The following MYRIP variants were observed in gnomAD, a reference collection of about 807,000 sequenced individuals.
MYRIP encodes the protein myosin VIIA and Rab interacting protein.
A neutral mutation model predicts 98.0 loss-of-function variants in MYRIP; 49 were observed. That is an observed-to-expected ratio of 0.50 (90% CI 0.40 to 0.63). The LOEUF (loss-of-function observed/expected upper bound fraction) is 0.63. Among genes scored for constraint, MYRIP ranks in the 30% least tolerant of loss-of-function variants. The pLI, the probability that MYRIP is intolerant of heterozygous loss-of-function variation, is 0.00. For synonymous variants in MYRIP, 404 were observed against 409.5 expected (o/e 0.99, Z 0.16); for missense variants, 1,004 against 1,058.2 (o/e 0.95, Z 0.71).
chr3:40,157,086 A>G (rs1339435967), intron 4 of MYRIP, among the ~76,000 whole-genome samples: 10 of 148,466 alleles, frequency 6.7e-5, no homozygotes, highest in South Asian at 2.1e-4. Flanking sequence ...TTTCAAAGGG[A>G]ATGCTTCCAG....
Position 40,221,012 on chromosome 3 carries a change from A to G in MYRIP, c.1905+10919A>G, listed in dbSNP as rs565892892. Reference sequence around the variant, plus strand: ...CAAACCATATCAAACTCCAACAGATATAGGGTAATGTACAAAGCAGGCAAG... The same window carrying G: ...CAAACCATATCAAACTCCAACAGATGTAGGGTAATGTACAAAGCAGGCAAG... On this transcript the variant is annotated intron_variant, in intron 11 of 16. Transcript: ENST00000302541. Among the ~76,000 whole-genome samples the G allele has an allele frequency of 4.2e-5, 6 of 142,232 alleles. No individual in the cohort carries two copies. The South Asian group carries it at 1.2e-3, about 29-fold the overall frequency. The allele number at this position is 142,232 out of a possible 152,430, so 93.3% of individuals were successfully genotyped here.
chr3:40,249,029 C>A lies in MYRIP; in HGVS notation c.2263-1193C>A, dbSNP rs78508247. 6.3e-3 allele frequency among the ~76,000 whole-genome samples: 960 copies of A among 152,294 alleles called. 10 individuals carry two copies. Among genetic ancestry groups the A allele is most frequent in the African/African-American group, 0.022 (923 of 41,572 alleles). On this transcript the variant is annotated intron_variant, in intron 13 of 16. Transcript: ENST00000302541. ...GATGCATCTTCCAAATTTGCTGACC[C>A]TTCAATCTTTCTGTGTACCTCCTAT...
intron 2 of MYRIP, among the ~76,000 whole-genome samples, chr3:39,914,730 GC>G (rs1944112707): frequency 6.6e-6 from 1 of 152,034 alleles, no homozygotes; most frequent in Admixed American, 6.5e-5. Flanking sequence ...TATACTTCCT[GC>G]TACATTTCAG....
At chr3:40,186,444 T>C (rs1040676600) in intron 9 of MYRIP, among the ~76,000 whole-genome samples, 31 of 152,164 alleles carry the variant, frequency 2.0e-4, no homozygotes, top group Admixed American at 1.3e-3. Context: ...AATGACTTGT[T>C]ACTGAGCAGA....
chr3:39,897,788 G>A (rs1354518456), intron 1 of MYRIP, among the ~76,000 whole-genome samples: 1 of 150,610 alleles, frequency 6.6e-6, no homozygotes, highest in Non-Finnish European at 1.5e-5. Flanking sequence ...TCCATTTGGA[G>A]CTATTTTATT....
At chr3:40,008,037 A>T (rs1057070433) in intron 2 of MYRIP, among the ~76,000 whole-genome samples, 1 of 152,246 alleles carries the variant, frequency 6.6e-6, no homozygotes. Context: ...CACACAGATT[A>T]TCTAAAAATG....
intron 3 of MYRIP, among the ~76,000 whole-genome samples, chr3:40,045,709 A>C (rs1044276291): frequency 6.6e-6 from 1 of 152,198 alleles, no homozygotes; most frequent in African/African-American, 2.4e-5. Flanking sequence ...CATTCAAGCC[A>C]AGTTCCTGTA....
At chr3:40,108,245 A>G (rs2125898967) in intron 3 of MYRIP, among the ~76,000 whole-genome samples, 1 of 117,062 alleles carries the variant, frequency 8.5e-6, no homozygotes, top group Middle Eastern at 4.7e-3. Context: ...ACTGAAGTGC[A>G]GGATGTAGGA....
intron 3 of MYRIP, among the ~76,000 whole-genome samples, chr3:40,081,564 T>A (rs1948481018): frequency 6.6e-6 from 1 of 152,204 alleles, no homozygotes; most frequent in Non-Finnish European, 1.5e-5. Context: ...TCCTATGTGG[T>A]TTTTGCCATT....
intron 1 of MYRIP, among the ~76,000 whole-genome samples, chr3:39,818,929 G>T (rs755725116): frequency 7.2e-5 from 11 of 152,094 alleles, no homozygotes; most frequent in Non-Finnish European, 1.0e-4. Flanking sequence ...AAATACATAG[G>T]TATATATTTT....
chr3:40,089,466 T>A (rs7620263), intron 3 of MYRIP, among the ~76,000 whole-genome samples: 2,458 of 152,284 alleles, frequency 0.016, 28 homozygotes, highest in African/African-American at 0.03. Flanking sequence ...ATCTTTAAGC[T>A]TGGCGGCTTT....
chr3:40,055,500 A>T (rs904138230), intron 3 of MYRIP, among the ~76,000 whole-genome samples: 7 of 152,176 alleles, frequency 4.6e-5, no homozygotes, highest in African/African-American at 1.7e-4. Context: ...ACAGTTGAAC[A>T]GCTTGTCATG....
At chr3:40,249,319 A>G (rs10428199) in intron 13 of MYRIP, among the ~76,000 whole-genome samples, 89,030 of 152,014 alleles carry the variant, frequency 0.59, 28,939 homozygotes, top group African/African-American at 0.88. Context: ...CGTCCCCCAT[A>G]CCGGGTGTTG....
intron 3 of MYRIP, among the ~76,000 whole-genome samples, chr3:40,082,555 A>G (rs908296534): frequency 3.9e-5 from 6 of 152,222 alleles, no homozygotes; most frequent in African/African-American, 1.4e-4. Flanking sequence ...AAATCAACAA[A>G]TCATCTCTCT....
intron 1 of MYRIP, among the ~76,000 whole-genome samples, chr3:39,895,651 T>C (rs1943589682): frequency 6.6e-6 from 1 of 152,232 alleles, no homozygotes; most frequent in African/African-American, 2.4e-5. Flanking sequence ...ATGGCAGTTC[T>C]TTCCCAAATC....
At chr3:40,235,161 T>C (rs1265995815) in intron 12 of MYRIP, among the ~76,000 whole-genome samples, 1 of 152,164 alleles carries the variant, frequency 6.6e-6, no homozygotes. Context: ...TGAGTAAGAC[T>C]CTACTGCATT....
At chr3:40,028,905 C>T (rs1947196005) in intron 2 of MYRIP, among the ~76,000 whole-genome samples, 1 of 152,102 alleles carries the variant, frequency 6.6e-6, no homozygotes, top group African/African-American at 2.4e-5. Flanking sequence ...CTGAAAAACA[C>T]CTCATTTGCT....
intron 3 of MYRIP, among the ~76,000 whole-genome samples, chr3:40,092,387 G>C (rs529262285): frequency 3.9e-5 from 6 of 152,266 alleles, no homozygotes; most frequent in African/African-American, 1.2e-4. Flanking sequence ...CACACTGTAA[G>C]GGATAGCTAT....
rs564654381 is a variant in MYRIP at position 40,044,268 on chromosome 3, C to T, written c.329C>T (p.Ala110Val). ...TGGGTCTGCTGCGTCTGCCAGCAAG[C>T]GAGGTGAGTGGCTGGTGCATTCCCA... ...KAWVCCVCQQ[A>V]RLLRAQSLEW... is the part of the protein sequence containing the mutation. The change falls in exon 3 of 17, where the codon GCG becomes GTG. Residue 110 changes from alanine to valine, a missense_variant. This residue lies in a region of MYRIP where 880 missense variants were observed against 907.7 expected (regional missense o/e 0.97). Coordinates refer to ENST00000302541, the MANE Select transcript of MYRIP (RefSeq NM_015460.4). The T allele has an allele frequency of 7.9e-5, 128 of 1,613,996 alleles. No homozygotes were observed. In the South Asian group the frequency reaches 1.1e-3, roughly 14 times the overall value.
Sources: gnomAD v4.1 joint callset for allele counts (sites outside exome capture counted in the v4.1 genomes callset) on GRCh38, gnomAD v4.1.1 for gene constraint, gnomAD v4.1.1 regional missense constraint, MANE v1.5 for transcripts, NCBI Gene and HGNC (gene_info 2026-07-23, HGNC 2026-07-21) for gene names.